Variants in PTPRN2 observed in about 807,000 individuals in gnomAD.
The protein encoded by PTPRN2 is protein tyrosine phosphatase receptor type N2.
PTPRN2 carries 74 observed loss-of-function variants against 118.8 expected under a neutral mutation model. The ratio of observed to expected loss-of-function variants is 0.62; its 90% confidence interval spans 0.52 to 0.76. PTPRN2 has a LOEUF of 0.76. PTPRN2 is among the 30% of genes least tolerant of loss of function. PTPRN2 has a pLI of 0.00. For missense variants in PTPRN2, 1,481 were observed against 1,394.4 expected (o/e 1.06, Z -0.99); for synonymous variants, 641 against 608.0 (o/e 1.05, Z -0.80).
At chr7:157,850,806 C>CCAA (rs1198910804) in intron 12 of PTPRN2, among the ~76,000 whole-genome samples, 4 of 152,194 alleles carry the variant, frequency 2.6e-5, no homozygotes, top group African/African-American at 9.7e-5. Flanking sequence ...ACGGGAGAAA[C>CCAA]CAACTTTAAA....
intron 12 of PTPRN2, among the ~76,000 whole-genome samples, chr7:157,883,048 CAAAACACA>C (rs1481109795): frequency 1.3e-4 from 20 of 149,862 alleles, no homozygotes; most frequent in African/African-American, 4.9e-4. Flanking sequence ...TGTTGGAGAT[CAAAACACA>C]CCACCTCAAA....
chr7:157,972,483 G>A (rs900005809), intron 11 of PTPRN2, among the ~76,000 whole-genome samples: 2 of 152,006 alleles, frequency 1.3e-5, no homozygotes, highest in East Asian at 1.9e-4. Context: ...TCCACACCAC[G>A]AGAGCAGGGC....
chr7:157,849,871 A>AG (rs897320898), intron 12 of PTPRN2, among the ~76,000 whole-genome samples: 6 of 152,152 alleles, frequency 3.9e-5, no homozygotes, highest in African/African-American at 1.4e-4. Context: ...ACCATGGAGG[A>AG]GGGGAAGACG....
In PTPRN2 at chr7:158,336,730, G is replaced by A. The variant is rs1169170635; in HGVS notation, c.164-19798C>T. On this transcript the variant is annotated intron_variant, in intron 2 of 22. Transcript: ENST00000389418. ...CACCCACACTCTCACCAAAAGAGCT[G>A]ACGCCCGCAGACGTCACTCACACCC... 9.1e-3 allele frequency among the ~76,000 whole-genome samples: 1,054 copies of A among 115,842 alleles called. 12 individuals are homozygous for A. Among genetic ancestry groups the A allele is most frequent in the African/African-American group, 0.033 (973 of 29,746 alleles). 76.0% of individuals were successfully genotyped at this position (115,842 alleles called of 152,430 possible). A position where few individuals can be genotyped will look rare whatever the true frequency, so the allele number is the denominator to read the frequency against.
chr7:158,125,816 G>A (rs549460496), intron 9 of PTPRN2, among the ~76,000 whole-genome samples: 42 of 152,158 alleles, frequency 2.8e-4, no homozygotes, highest in Non-Finnish European at 4.9e-4. Context: ...TCCATCTTCA[G>A]CATCCTCAGG....
intron 1 of PTPRN2, chr7:158,537,746 C>T (rs1392511180): frequency 6.6e-6 from 1 of 152,230 alleles, no homozygotes; most frequent in Non-Finnish European, 1.5e-5. Context: ...GCTGCAAACT[C>T]GATTCCTTGC....
intron 3 of PTPRN2, among the ~76,000 whole-genome samples, chr7:158,313,962 C>T (rs1192238834): frequency 6.6e-6 from 1 of 152,104 alleles, no homozygotes; most frequent in Admixed American, 6.5e-5. Flanking sequence ...GGCTGAGAGT[C>T]TTGTGCATTC....
chr7:158,354,036 C>G (rs1288821988), intron 2 of PTPRN2, among the ~76,000 whole-genome samples: 1 of 152,218 alleles, frequency 6.6e-6, no homozygotes, highest in Non-Finnish European at 1.5e-5. Context: ...GACCTGTGCT[C>G]CCAGGTCCCC....
intron 22 of PTPRN2, among the ~76,000 whole-genome samples, chr7:157,547,825 A>G (rs1236130092): frequency 6.6e-6 from 1 of 152,200 alleles, no homozygotes; most frequent in Non-Finnish European, 1.5e-5. Flanking sequence ...TTCCACAAAG[A>G]GCAAGGCCGC....
At chr7:157,620,439 C>A (rs764481413) in intron 15 of PTPRN2, among the ~76,000 whole-genome samples, 5 of 152,182 alleles carry the variant, frequency 3.3e-5, no homozygotes, top group Non-Finnish European at 7.3e-5. Flanking sequence ...AGTAGGTGCT[C>A]AGTTTGTGGA....
At chr7:157,691,861 C>A (rs1039009105) in intron 12 of PTPRN2, among the ~76,000 whole-genome samples, 12 of 152,136 alleles carry the variant, frequency 7.9e-5, no homozygotes, top group Non-Finnish European at 1.5e-4. Context: ...CTGAGCACCT[C>A]CCCCCCGCGC....
chr7:158,085,816 A>C (rs1436271710), intron 10 of PTPRN2, among the ~76,000 whole-genome samples: 1 of 80,870 alleles, frequency 1.2e-5, no homozygotes, highest in Admixed American at 1.5e-4. Flanking sequence ...GCCCATCCAC[A>C]CCCACGATGC....
chr7:157,730,062 A>G lies in PTPRN2; in HGVS notation c.1789-47125T>C, dbSNP rs542323088. 3.3e-5 allele frequency among the ~76,000 whole-genome samples: 5 copies of G among 152,308 alleles called. No individual in the cohort carries two copies. In the East Asian group the frequency reaches 9.7e-4, roughly 29 times the overall value. On this transcript the variant is annotated intron_variant, in intron 12 of 22. Coordinates refer to ENST00000389418, the MANE Select transcript of PTPRN2 (RefSeq NM_002847.5). The stretch of plus-strand genomic sequence containing the variant: ...AGAAAATGATTTTTATACAATAACG[A>G]TATGGGCTTATAGGGTAAAGTCCAC...
chr7:158,149,856 T>A (rs1270272632), intron 6 of PTPRN2, among the ~76,000 whole-genome samples: 5 of 148,830 alleles, frequency 3.4e-5, no homozygotes, highest in Non-Finnish European at 6.0e-5. Flanking sequence ...AACAAAAAAA[T>A]TACTGTGGAA....
intron 2 of PTPRN2, among the ~76,000 whole-genome samples, chr7:158,394,345 G>C (rs1397382609): frequency 6.6e-6 from 1 of 152,184 alleles, no homozygotes; most frequent in African/African-American, 2.4e-5. Flanking sequence ...ATCCATGGCT[G>C]CTTTCAGGGC....
intron 6 of PTPRN2, among the ~76,000 whole-genome samples, chr7:158,144,970 A>G (rs111872244): frequency 0.031 from 3,543 of 114,866 alleles, 137 homozygotes; most frequent in African/African-American, 0.055. Context: ...ACATCATCGC[A>G]AGAAGGTTCC....
At position 158,344,263 on chromosome 7, in the gene PTPRN2, C is replaced by T. The variant is rs529056235; in HGVS notation, c.164-27331G>A. 5.3e-5 allele frequency among the ~76,000 whole-genome samples: 8 copies of T among 152,230 alleles called. No homozygotes were observed. In the South Asian group the frequency reaches 1.0e-3, roughly 20 times the overall value. Reference sequence around the variant, plus strand: ...AAGAAGCCACCAGCCAGACCAGGCTCGGGAAGAGCTGTCTTCAGCAGGAAC... The same window carrying T: ...AAGAAGCCACCAGCCAGACCAGGCTTGGGAAGAGCTGTCTTCAGCAGGAAC... On this transcript the variant is annotated intron_variant, in intron 2 of 22. Coordinates refer to ENST00000389418, the MANE Select transcript of PTPRN2 (RefSeq NM_002847.5).
At chr7:158,133,145 G>C (rs71543641) in intron 9 of PTPRN2, among the ~76,000 whole-genome samples, 1 of 152,218 alleles carries the variant, frequency 6.6e-6, no homozygotes, top group Non-Finnish European at 1.5e-5. Context: ...TCCTTCTGAA[G>C]GGCGCCCACG....
intron 1 of PTPRN2, among the ~76,000 whole-genome samples, chr7:158,548,986 C>T (rs1021905137): frequency 3.9e-5 from 6 of 152,212 alleles, no homozygotes; most frequent in Non-Finnish European, 7.3e-5. Context: ...CAACGCCCGG[C>T]CCCCGCTTGA....
Sources: gnomAD v4.1 joint callset for allele counts (sites outside exome capture counted in the v4.1 genomes callset) on GRCh38, gnomAD v4.1.1 for gene constraint, MANE v1.5 for transcripts, NCBI Gene and HGNC (gene_info 2026-07-23, HGNC 2026-07-21) for gene names.